The following FAHD1 variants were observed in gnomAD, a reference collection of about 807,000 sequenced individuals.
FAHD1 encodes the protein FAH domain containing oxaloacetate decarboxylase 1.
A neutral mutation model predicts 12.7 loss-of-function variants in FAHD1; 14 were observed. That is an observed-to-expected ratio of 1.10 (90% CI 0.73 to 1.72). The LOEUF is 1.72. Ranked by LOEUF, FAHD1 falls within the 40% of genes most tolerant of loss-of-function variation. The probability of loss-of-function intolerance (pLI) is 0.00; values close to 1 mark genes in which losing one functional copy is unlikely to be tolerated. For synonymous variants in FAHD1, 153 were observed against 124.9 expected, an observed-to-expected ratio of 1.22 and a Z score of -1.50; for missense variants, 351 against 298.9, an observed-to-expected ratio of 1.17 and a Z score of -1.29.
downstream of FAHD1, among the ~76,000 whole-genome samples, chr16:1,831,925 A>G (rs1898627076): frequency 6.6e-6 from 1 of 152,154 alleles, no homozygotes; most frequent in South Asian, 2.1e-4. Context: ...AATCCGTGGA[A>G]AAACTGTCTT....
chr16:1,833,772 A>C (rs552682449), downstream of FAHD1, among the ~76,000 whole-genome samples: 9 of 152,042 alleles, frequency 5.9e-5, no homozygotes, highest in Non-Finnish European at 1.2e-4. Context: ...TGTGTTAGCC[A>C]GGATGGTCTC....
intron 1 of FAHD1, among the ~76,000 whole-genome samples, chr16:1,836,870 A>G (rs569636594): frequency 8.5e-4 from 130 of 152,348 alleles, no homozygotes; most frequent in African/African-American, 2.8e-3. Flanking sequence ...TTTTTTCAGT[A>G]TTAAGCTGCA....
chr16:1,830,944 A>ACACACCCACACC (rs57025691), downstream of FAHD1, among the ~76,000 whole-genome samples: 2 of 147,206 alleles, frequency 1.4e-5, no homozygotes, highest in Non-Finnish European at 3.0e-5. Flanking sequence ...ACACACACAC[A>ACACACCCACACC]CCCATATTTT....
At chr16:1,827,400 G>C in exon 1 of FAHD1, 1 of 1,611,342 alleles carries the variant, frequency 6.2e-7, no homozygotes. Context: ...CCGAGGGCTC[G>C]CCCATCCTCA....
intron 1 of FAHD1, among the ~76,000 whole-genome samples, chr16:1,836,530 G>A (rs1898753808): frequency 6.8e-6 from 1 of 147,242 alleles, no homozygotes; most frequent in Non-Finnish European, 1.5e-5. Flanking sequence ...CTGTTGAAGA[G>A]ATGCAGCATC....
At chr16:1,837,599 C>T in intron 1 of FAHD1, 2 of 449,212 alleles carry the variant, frequency 4.5e-6, no homozygotes, top group Non-Finnish European at 8.0e-6. Context: ...TTGGTAACTC[C>T]TTTATACAAT....
intron 1 of FAHD1, chr16:1,834,021 AT>A: frequency 2.6e-6 from 1 of 391,546 alleles, no homozygotes; most frequent in Non-Finnish European, 4.5e-6. Flanking sequence ...TCATGTAAAC[AT>A]TTTCCAACTT....
intron 1 of FAHD1, chr16:1,837,950 C>G (rs1898793132): frequency 2.1e-6 from 3 of 1,448,476 alleles, no homozygotes; most frequent in South Asian, 2.9e-5. Flanking sequence ...GTGAAACAAA[C>G]TTTCTCATTA....
chr16:1,829,348 C>G (rs1042523263), downstream of FAHD1, among the ~76,000 whole-genome samples: 3 of 152,114 alleles, frequency 2.0e-5, no homozygotes, highest in Non-Finnish European at 4.4e-5. Flanking sequence ...TGTTATGTAA[C>G]CAGCAACCAA....
chr16:1,834,208 G>A (rs1898676940), intron 1 of FAHD1: 1 of 925,858 alleles, frequency 1.1e-6, no homozygotes, highest in Non-Finnish European at 1.7e-6. Context: ...CATTTTAAAG[G>A]GAGTTAAAAC....
Position 1,834,044 on chromosome 16 carries a change from A to C in FAHD1, c.628-3972A>C, listed in dbSNP as rs1898673451. On this transcript the variant is annotated intron_variant, in intron 1 of 2. Coordinates refer to the FAHD1 transcript ENST00000382666. ...ACATTTTCCAACTTGGGAGGAGACAAGGCAAAGACAGTAGGAGGCCTTCTA... is the reference window on the plus strand; with the variant it reads ...ACATTTTCCAACTTGGGAGGAGACACGGCAAAGACAGTAGGAGGCCTTCTA... 4 of 422,460 alleles carry C rather than the reference A, an allele frequency of 9.5e-6. No individual in the cohort carries two copies. The Admixed American group carries it at 1.7e-4, about 18-fold the overall frequency. 26.2% of individuals were successfully genotyped at this position (422,460 alleles called of 1,614,324 possible).
chr16:1,836,543 A>C (rs1213654070), intron 1 of FAHD1, among the ~76,000 whole-genome samples: 1 of 152,042 alleles, frequency 6.6e-6, no homozygotes, highest in Non-Finnish European at 1.5e-5. Context: ...GCAGCATCTT[A>C]CTGCAACTTT....
downstream of FAHD1, among the ~76,000 whole-genome samples, chr16:1,830,662 G>C (rs1249907778): frequency 2.0e-5 from 3 of 152,172 alleles, no homozygotes; most frequent in Non-Finnish European, 2.9e-5. Flanking sequence ...ATCAAAAACA[G>C]AGACACCAAG....
At chr16:1,836,339 G>A (rs920038182) in intron 1 of FAHD1, among the ~76,000 whole-genome samples, 1 of 152,216 alleles carries the variant, frequency 6.6e-6, no homozygotes, top group Non-Finnish European at 1.5e-5. Context: ...GTATCCACTT[G>A]AGGGTCATTC....
chr16:1,834,345 T>G (rs1301258152), intron 1 of FAHD1: 2 of 1,608,452 alleles, frequency 1.2e-6, no homozygotes, highest in Non-Finnish European at 1.7e-6. Flanking sequence ...AATCCACTCC[T>G]TGCTCTGTGT....
At chr16:1,834,075 G>T in intron 1 of FAHD1, 1 of 484,518 alleles carries the variant, frequency 2.1e-6, no homozygotes, top group Non-Finnish European at 3.6e-6. Context: ...TTCTAAGAAG[G>T]GAGGTCAGAT....
rs1425935573 is a variant in FAHD1, at chr16:1,828,365, G to A, written c.*461G>A. The A allele has an allele frequency of 2.1e-5, 21 of 1,001,880 alleles. No homozygotes were observed. The South Asian group carries it at 6.0e-4, about 29-fold the overall frequency. 62.1% of individuals were successfully genotyped at this position (1,001,880 alleles called of 1,614,324 possible). ...TAGAAGATGAACCCTTCAAGAAAACGTGAAGTAGAACGGGTGGGCCAGAAA... is the reference window on the plus strand; with the variant it reads ...TAGAAGATGAACCCTTCAAGAAAACATGAAGTAGAACGGGTGGGCCAGAAA... On this transcript the variant is annotated 3_prime_UTR_variant, in exon 1 of 1. Coordinates refer to ENST00000427358, the Ensembl canonical transcript of FAHD1.
intron 1 of FAHD1, chr16:1,837,980 A>G (rs1296301533): frequency 6.9e-7 from 1 of 1,442,320 alleles, no homozygotes; most frequent in African/African-American, 1.4e-5. Context: ...TTTTATTTGC[A>G]GTAATTACAG....
chr16:1,839,363 T>C, exon 3 of FAHD1: 1 of 1,614,130 alleles, frequency 6.2e-7, no homozygotes, highest in Non-Finnish European at 8.5e-7. Flanking sequence ...GAAAGACAGA[T>C]TTAAAGTCCA....
Sources: gnomAD v4.1 joint callset for allele counts (sites outside exome capture counted in the v4.1 genomes callset) on GRCh38, gnomAD v4.1.1 for gene constraint, MANE v1.5 for transcripts, NCBI Gene and HGNC (gene_info 2026-07-23, HGNC 2026-07-21) for gene names.